The following OR12D2 variants were observed in gnomAD, a reference collection of about 807,000 sequenced individuals.
The protein encoded by OR12D2 is olfactory receptor family 12 subfamily D member 2.
For missense variants in OR12D2, 345 were observed against 371.6 expected, an observed-to-expected ratio of 0.93 and a Z score of 0.59; for synonymous variants, 146 against 142.3, an observed-to-expected ratio of 1.03 and a Z score of -0.19.
Position 29,397,070 on chromosome 6 carries a change from T to A in OR12D2, c.371T>A (p.Ile124Asn). 2.5e-6 allele frequency: 4 copies of A among 1,613,170 alleles called. No individual in the cohort carries two copies. The Middle Eastern group carries it at 4.9e-4, about 200-fold the overall frequency. Reference protein sequence around the residue: ...AVMAFDLSVAICKPLRYTVIM... With the variant: ...AVMAFDLSVANCKPLRYTVIM... ...ATGGCATTTGACCTCTCTGTGGCTATCTGCAAGCCACTTCGCTACACTGTC... is the reference window on the plus strand; with the variant it reads ...ATGGCATTTGACCTCTCTGTGGCTAACTGCAAGCCACTTCGCTACACTGTC... The change falls in exon 2 of 2, where the codon ATC becomes AAC. Residue 124 changes from isoleucine (I) to asparagine (N), a missense_variant. Ile to Asn is a moderately radical substitution (Grantham distance 149). Coordinates refer to ENST00000642051, the MANE Select transcript of OR12D2 (RefSeq NM_013936.4).
chr6:29,397,733 ACTGG>A lies in OR12D2; in HGVS notation c.*111_*114del. ...GGTTTATAAGTGTAAAATAGAGGCA[ACTGG>A]ATAAAAGAAAAAAAAGTCCAATCTA... On this transcript the variant is annotated 3_prime_UTR_variant, in exon 2 of 2. Coordinates refer to ENST00000642051, the MANE Select transcript of OR12D2 (RefSeq NM_013936.4). 1 of 923,604 alleles carries A rather than the reference ACTGG, an allele frequency of 1.1e-6. No homozygotes were observed. The highest frequency in any genetic ancestry group is 1.6e-6 in the Non-Finnish European group (1 of 634,588). The allele number at this position is 923,604 out of a possible 1,614,324, so 57.2% of individuals were successfully genotyped here.
Position 29,397,442 on chromosome 6 carries a change from T to G in OR12D2, c.743T>G (p.Ile248Ser), listed in dbSNP as rs753550222. 6.2e-7 allele frequency: 1 copy of G among 1,613,068 alleles called. No individual in the cohort carries two copies. Among genetic ancestry groups the G allele is most frequent in the African/African-American group, 1.3e-5 (1 of 75,046 alleles). The change falls in exon 2 of 2, where the codon ATT (isoleucine) becomes AGT (serine). Residue 248 changes from isoleucine to serine, a missense_variant. By Grantham distance (142) the Ile-to-Ser change is moderately radical. Transcript: ENST00000642051. ...TGTGCCTCCCACTTCATGGTAGTTA[T>G]TCTTTTCTATGCACCTGTTCTTTTC... is the stretch of plus-strand genomic sequence containing the variant. ...STCASHFMVV[I>S]LFYAPVLFTY...
chr6:29,397,204 T>G lies in OR12D2; in HGVS notation c.505T>G (p.Ser169Ala), dbSNP rs774082520. The G allele has an allele frequency of 4.2e-5, 68 of 1,612,912 alleles. No homozygotes were observed. Among genetic ancestry groups the G allele is most frequent in the Non-Finnish European group, 5.5e-5 (65 of 1,180,022 alleles). Residue 169 changes from serine to alanine, a missense_variant, in exon 2 of 2, where the codon TCC becomes GCC. Transcript: ENST00000642051. The part of the protein sequence containing the change: ...VMTSRLNFCG[S>A]NRIHHFLCDI... Reference sequence around the variant, plus strand: ...GACTTCTCGCTTGAACTTCTGTGGTTCCAACCGTATCCATCATTTTCTCTG... The same window carrying G: ...GACTTCTCGCTTGAACTTCTGTGGTGCCAACCGTATCCATCATTTTCTCTG...
chr6:29,397,755 C>A lies in OR12D2; in HGVS notation c.*132C>A. 4 of 690,084 alleles carry A rather than the reference C, an allele frequency of 5.8e-6. No homozygotes were observed. Among genetic ancestry groups the A allele is most frequent in the Non-Finnish European group, 9.3e-6 (4 of 428,482 alleles). The allele number at this position is 690,084 out of a possible 1,614,324, so 42.7% of individuals were successfully genotyped here. A position where few individuals can be genotyped will look rare whatever the true frequency, so the allele number is the denominator to read the frequency against. On this transcript the variant is annotated 3_prime_UTR_variant, in exon 2 of 2. Coordinates refer to ENST00000642051, the MANE Select transcript of OR12D2 (RefSeq NM_013936.4). ...GCAACTGGATAAAAGAAAAAAAAGT[C>A]CAATCTAGTTGTAGTAAACAATACA...
chr6:29,396,949 C>G lies in OR12D2; in HGVS notation c.250C>G (p.Leu84Val). 4 of 1,613,094 alleles carry G rather than the reference C, an allele frequency of 2.5e-6. No individual in the cohort carries two copies. The highest frequency in any genetic ancestry group is 3.4e-6 in the Non-Finnish European group (4 of 1,180,026). Residue 84 changes from leucine (L) to valine (V), a missense_variant, in exon 2 of 2, where the codon CTC becomes GTC. Leu to Val is a conservative substitution (Grantham distance 32, BLOSUM62 1). Coordinates refer to ENST00000642051, the MANE Select transcript of OR12D2 (RefSeq NM_013936.4). ...VTLPKMLQNF[L>V]STHKAISFLG... is the part of the protein sequence containing the mutation. The stretch of plus-strand genomic sequence containing the variant: ...ACTGCCAAAAATGCTGCAGAACTTT[C>G]TCTCTACACACAAAGCAATTTCTTT...
At chr6:29,396,675 A>T (rs1381044819) in intron 1 of OR12D2, 23 bp from the exon 2 acceptor site, 1 of 1,583,078 alleles carries the variant, frequency 6.3e-7, no homozygotes, top group Admixed American at 1.7e-5. Flanking sequence ...TGTTCCATAG[A>T]TTATTTTGTC....
At position 29,397,210 on chromosome 6, in the gene OR12D2, C is replaced by T. The variant is rs1280999754; in HGVS notation, c.511C>T (p.Arg171Cys). The T allele has an allele frequency of 1.2e-6, 2 of 1,613,018 alleles. No individual in the cohort carries two copies. Among genetic ancestry groups the T allele is most frequent in the Admixed American group, 1.7e-5 (1 of 60,010 alleles). ...TSRLNFCGSN[R>C]IHHFLCDIKP... ...TCGCTTGAACTTCTGTGGTTCCAAC[C>T]GTATCCATCATTTTCTCTGTGATAT... Residue 171 changes from arginine to cysteine, a missense_variant, in exon 2 of 2, where the codon CGT (arginine) becomes TGT (cysteine). Arg to Cys is a radical substitution (Grantham distance 180). Coordinates refer to ENST00000642051, the MANE Select transcript of OR12D2 (RefSeq NM_013936.4).
At position 29,397,709 on chromosome 6, in the gene OR12D2, G is replaced by T. The variant is rs1419379547; in HGVS notation, c.*86G>T. The T allele has an allele frequency of 6.7e-6, 8 of 1,197,732 alleles. No individual in the cohort carries two copies. The highest frequency in any genetic ancestry group is 2.4e-5 in the Admixed American group (1 of 41,774). The allele number at this position is 1,197,732 out of a possible 1,614,324, so 74.2% of individuals were successfully genotyped here. On this transcript the variant is annotated 3_prime_UTR_variant, in exon 2 of 2. Coordinates refer to ENST00000642051, the MANE Select transcript of OR12D2 (RefSeq NM_013936.4). Reference sequence around the variant, plus strand: ...GTGTAATTTTACTGCTTCTCAGATGGTTTATAAGTGTAAAATAGAGGCAAC... The same window carrying T: ...GTGTAATTTTACTGCTTCTCAGATGTTTTATAAGTGTAAAATAGAGGCAAC...
In OR12D2 at chr6:29,397,381, C is replaced by T. The variant is rs766751851; in HGVS notation, c.682C>T (p.Arg228Cys). The T allele has an allele frequency of 4.8e-5, 77 of 1,612,898 alleles. No homozygotes were observed. Among genetic ancestry groups the T allele is most frequent in the Non-Finnish European group, 6.4e-5 (75 of 1,179,996 alleles). The stretch of plus-strand genomic sequence containing the variant: ...TATCACTTATCTCTTCTTCAAGACC[C>T]GTTCTTGTAGCATGCTCTGTAAAGC... ...YIITYLFFKT[R>C]SCSMLCKALS... The change falls in exon 2 of 2, where the codon CGT becomes TGT. Residue 228 changes from arginine to cysteine, a missense_variant. Physicochemically the swap from Arg to Cys is radical, Grantham distance 180 (BLOSUM62 -3). Transcript: ENST00000642051.
chr6:29,397,949 T>G lies in OR12D2; in HGVS notation c.*326T>G, dbSNP rs1780660387. 2 of 272,206 alleles carry G rather than the reference T, an allele frequency of 7.3e-6. No homozygotes were observed. Among genetic ancestry groups the G allele is most frequent in the African/African-American group, 4.4e-5 (2 of 45,500 alleles). 16.9% of individuals were successfully genotyped at this position (272,206 alleles called of 1,614,324 possible). ...TTGCCTATATTGCCCATGTATTGTA[T>G]AGATAGATGATATTTAGGACTGTTT... is the stretch of plus-strand genomic sequence containing the variant. On this transcript the variant is annotated 3_prime_UTR_variant, in exon 2 of 2. Coordinates refer to ENST00000642051, the MANE Select transcript of OR12D2 (RefSeq NM_013936.4).
Position 29,397,483 on chromosome 6 carries a change from G to A in OR12D2, c.784G>A (p.Ala262Thr). The part of the protein sequence containing the change: ...APVLFTYIHP[A>T]LESFMDQDRI... ...TGTTCTTTTCACCTATATCCATCCT[G>A]CGTTAGAGAGCTTCATGGACCAGGA... Residue 262 changes from alanine (A) to threonine (T), a missense_variant, in exon 2 of 2, where the codon GCG becomes ACG. By Grantham distance (58) the Ala-to-Thr change is moderately conservative (BLOSUM62 0). Transcript: ENST00000642051. 1 of 1,612,942 alleles carries A rather than the reference G, an allele frequency of 6.2e-7. No homozygotes were observed.
Position 29,396,918 on chromosome 6 carries a change from G to A in OR12D2, c.219G>A (p.Thr73=), listed in dbSNP as rs36210741. The change falls in exon 2 of 2, where the codon ACG becomes ACA. Residue 73 remains threonine (T), a synonymous_variant. Coordinates refer to ENST00000642051, the MANE Select transcript of OR12D2 (RefSeq NM_013936.4). ...CCTACCTGGATATCTGTTACTCTAC[G>A]GTGACACTGCCAAAAATGCTGCAGA... The part of the protein sequence containing the change: ...NLSYLDICYS[T]VTLPKMLQNF... The A allele has an allele frequency of 1.9e-6, 3 of 1,612,800 alleles. No individual in the cohort carries two copies. Among genetic ancestry groups the A allele is most frequent in the South Asian group, 2.2e-5 (2 of 91,088 alleles).
Position 29,397,612 on chromosome 6 carries a change from A to G in OR12D2, c.913A>G (p.Arg305Gly). 1 of 1,611,374 alleles carries G rather than the reference A, an allele frequency of 6.2e-7. No individual in the cohort carries two copies. Among genetic ancestry groups the G allele is most frequent in the Non-Finnish European group, 8.5e-7 (1 of 1,179,192 alleles). ...GAAGGGGGCCTTGGGTAGAGTGATC[A>G]GAAGGCTTTGATTTGAATAAACCAG... ...EVKGALGRVI[R>G]RL The change falls in exon 2 of 2, where the codon AGA becomes GGA. Residue 305 changes from arginine (R) to glycine (G), a missense_variant. Physicochemically the swap from Arg to Gly is moderately radical, Grantham distance 125. Transcript: ENST00000642051.
intron 1 of OR12D2, 72 bp from the exon 2 acceptor site, chr6:29,396,626 G>T: frequency 7.9e-7 from 1 of 1,264,298 alleles, no homozygotes; most frequent in Non-Finnish European, 1.1e-6. Flanking sequence ...TTGGCTTGGT[G>T]AGAAAATTCT....
In OR12D2 at chr6:29,396,796, T is replaced by A; in HGVS notation, c.97T>A (p.Tyr33Asn). ...TCTCTTCGTGGTTTTCCTCACCATC[T>A]ACTTCATCAGTGTGACTGGGAATGG... is the stretch of plus-strand genomic sequence containing the variant. The part of the protein sequence containing the change: ...PFLFVVFLTI[Y>N]FISVTGNGAV... The change falls in exon 2 of 2, where the codon TAC becomes AAC. Residue 33 changes from tyrosine (Y) to asparagine (N), a missense_variant. Transcript: ENST00000642051. The A allele has an allele frequency of 1.2e-6, 2 of 1,612,966 alleles. No individual in the cohort carries two copies. Among genetic ancestry groups the A allele is most frequent in the Non-Finnish European group, 1.7e-6 (2 of 1,179,910 alleles).
Position 29,397,734 on chromosome 6 carries a change from C to G in OR12D2, c.*111C>G. 1.1e-6 allele frequency: 1 copy of G among 915,596 alleles called. No homozygotes were observed. Among genetic ancestry groups the G allele is most frequent in the East Asian group, 2.6e-5 (1 of 38,534 alleles). The allele number at this position is 915,596 out of a possible 1,614,324, so 56.7% of individuals were successfully genotyped here. A position where few individuals can be genotyped will look rare whatever the true frequency, so the allele number is the denominator to read the frequency against. ...GTTTATAAGTGTAAAATAGAGGCAA[C>G]TGGATAAAAGAAAAAAAAGTCCAAT... is the stretch of plus-strand genomic sequence containing the variant. On this transcript the variant is annotated 3_prime_UTR_variant, in exon 2 of 2. Coordinates refer to ENST00000642051, the MANE Select transcript of OR12D2 (RefSeq NM_013936.4).
Position 29,397,122 on chromosome 6 carries a change from G to A in OR12D2, c.423G>A (p.Gln141=). 1 of 1,613,158 alleles carries A rather than the reference G, an allele frequency of 6.2e-7. No individual in the cohort carries two copies. Reference sequence around the variant, plus strand: ...TCATGAACCCTCAGCTCTGTACCCAGATGGCCATCACAATCTGGGTCATTG... The same window carrying A: ...TCATGAACCCTCAGCTCTGTACCCAAATGGCCATCACAATCTGGGTCATTG... The part of the protein sequence containing the change: ...TVIMNPQLCT[Q]MAITIWVIGF... The change falls in exon 2 of 2, where the codon CAG becomes CAA. Residue 141 remains glutamine (Q), a synonymous_variant. Coordinates refer to ENST00000642051, the MANE Select transcript of OR12D2 (RefSeq NM_013936.4).
rs1780562840 is a variant in OR12D2 at position 29,396,904 on chromosome 6, A to G, written c.205A>G (p.Ile69Val). 2 of 1,612,894 alleles carry G rather than the reference A, an allele frequency of 1.2e-6. No homozygotes were observed. Among genetic ancestry groups the G allele is most frequent in the Non-Finnish European group, 8.5e-7 (1 of 1,179,898 alleles). ...CCTGGGAAACCTGTCCTACCTGGAT[A>G]TCTGTTACTCTACGGTGACACTGCC... is the stretch of plus-strand genomic sequence containing the variant. ...FFLGNLSYLDICYSTVTLPKM... is the reference protein window; with the variant it reads ...FFLGNLSYLDVCYSTVTLPKM... Residue 69 changes from isoleucine to valine, a missense_variant, in exon 2 of 2, where the codon ATC becomes GTC. Transcript: ENST00000642051.
intron 1 of OR12D2, 99 bp from the exon 2 acceptor site, chr6:29,396,599 T>C (rs1427745975): frequency 8.6e-6 from 8 of 929,044 alleles, no homozygotes; most frequent in Non-Finnish European, 1.3e-5. Context: ...ACAACAGTAC[T>C]CTCCTTCCAA....
Sources: allele counts gnomAD v4.1 joint callset, GRCh38; gene constraint gnomAD v4.1.1; transcripts MANE v1.5; gene names NCBI Gene and HGNC (gene_info 2026-07-23, HGNC 2026-07-21).